MLLT10: variants seen among roughly 807,000 people sequenced by gnomAD.
The protein encoded by MLLT10 is MLLT10 histone lysine methyltransferase DOT1L cofactor.
A neutral mutation model predicts 129.1 loss-of-function variants in MLLT10; 30 were observed. The observed-to-expected ratio is 0.23, with a 90% CI of 0.17 to 0.32. The LOEUF (loss-of-function observed/expected upper bound fraction) is 0.32. Among genes scored for constraint, MLLT10 ranks in the 10% least tolerant of loss-of-function variants. The pLI is 1.00. For missense variants in MLLT10, 1,119 were observed against 1,268.3 expected (o/e 0.88, Z 1.79); for synonymous variants, 490 against 446.4 (o/e 1.10, Z -1.23).
At chr10:21,583,872 A>ATTT (rs753865899) in intron 3 of MLLT10, among the ~76,000 whole-genome samples, 1 of 144,996 alleles carries the variant, frequency 6.9e-6, no homozygotes. Context: ...AATAGGCTCA[A>ATTT]TTTTTTTTTT....
At chr10:21,614,433 C>T (rs1219324858) in intron 6 of MLLT10, among the ~76,000 whole-genome samples, 4 of 152,004 alleles carry the variant, frequency 2.6e-5, no homozygotes, top group Non-Finnish European at 4.4e-5. Context: ...ACCATCACTT[C>T]GGCCCTTTAG....
At chr10:21,541,755 C>G (rs765640397) in intron 3 of MLLT10, among the ~76,000 whole-genome samples, 2 of 152,144 alleles carry the variant, frequency 1.3e-5, no homozygotes, top group South Asian at 4.1e-4. Context: ...CTCAAGCAGT[C>G]CTCCTACCTC....
At chr10:21,717,493 C>T (rs1440454264) in intron 14 of MLLT10, among the ~76,000 whole-genome samples, 3 of 57,978 alleles carry the variant, frequency 5.2e-5, no homozygotes, top group Admixed American at 1.7e-4. Context: ...TCCTCCTCCT[C>T]CTCCTCCTCC....
At chr10:21,675,077 A>G (rs1200854131) in intron 11 of MLLT10, among the ~76,000 whole-genome samples, 1 of 152,222 alleles carries the variant, frequency 6.6e-6, no homozygotes, top group East Asian at 1.9e-4. Flanking sequence ...GTTATGTGCC[A>G]GTTCTGTTAA....
chr10:21,585,052 G>T (rs1229187431), intron 3 of MLLT10, among the ~76,000 whole-genome samples: 1 of 151,864 alleles, frequency 6.6e-6, no homozygotes, highest in Non-Finnish European at 1.5e-5. Context: ...TGAGTAGCTG[G>T]TACTACAGGT....
At chr10:21,707,059 G>A (rs2055582752) in intron 13 of MLLT10, among the ~76,000 whole-genome samples, 1 of 151,992 alleles carries the variant, frequency 6.6e-6, no homozygotes, top group African/African-American at 2.4e-5. Context: ...TGGCGTTTAA[G>A]AAAACTTCCA....
rs1350647788 is a variant in MLLT10, at chr10:21,609,084, C to T, written c.406-3264C>T. On this transcript the variant is annotated intron_variant, in intron 5 of 22. Transcript: ENST00000307729. Reference sequence around the variant, plus strand: ...AGTCTATTTTTCCAATAGTATACAACCTCAGATGGCCCTGCTCTAACAAAT... The same window carrying T: ...AGTCTATTTTTCCAATAGTATACAATCTCAGATGGCCCTGCTCTAACAAAT... Among the ~76,000 whole-genome samples, 4 of 152,128 alleles carry T rather than the reference C, an allele frequency of 2.6e-5. No individual in the cohort carries two copies. The East Asian group carries it at 7.7e-4, about 29-fold the overall frequency.
At chr10:21,668,256 C>T (rs1468408583) in intron 9 of MLLT10, among the ~76,000 whole-genome samples, 3 of 152,090 alleles carry the variant, frequency 2.0e-5, no homozygotes, top group African/African-American at 7.2e-5. Context: ...TGAATTTAGT[C>T]TTGGGCTTAC....
intron 21 of MLLT10, among the ~76,000 whole-genome samples, chr10:21,737,951 C>A (rs1343547237): frequency 2.0e-5 from 3 of 152,078 alleles, no homozygotes; most frequent in Admixed American, 6.5e-5. Context: ...GTGTTAAAGG[C>A]ACACTGCATG....
intron 13 of MLLT10, among the ~76,000 whole-genome samples, chr10:21,699,590 T>A (rs949582529): frequency 9.9e-5 from 15 of 152,260 alleles, no homozygotes; most frequent in Admixed American, 2.6e-4. Context: ...TTCTTTTGCA[T>A]ACAGATATCC....
At chr10:21,680,569 A>G (rs1036715817) in intron 11 of MLLT10, among the ~76,000 whole-genome samples, 1 of 152,226 alleles carries the variant, frequency 6.6e-6, no homozygotes, top group African/African-American at 2.4e-5. Context: ...ATGCTGCTAT[A>G]TAAGTCATAA....
chr10:21,733,204 GGTTGTTTTTGAAGGGCATAAAGAATCCT>G (rs2058092307), intron 18 of MLLT10, 117 bp downstream of exon 18: 2 of 1,077,766 alleles, frequency 1.9e-6, no homozygotes, highest in Non-Finnish European at 2.6e-6. Context: ...AGGAACTATA[GGTTGTTTTTGAAGGGCATAAAGAATCCT>G]GTTAAGTGAT....
At chr10:21,695,327 A>G (rs1164964250) in intron 13 of MLLT10, among the ~76,000 whole-genome samples, 1 of 152,100 alleles carries the variant, frequency 6.6e-6, no homozygotes, top group African/African-American at 2.4e-5. Flanking sequence ...ATGTGATTAC[A>G]TTGGATCCTT....
chr10:21,612,273 C>G, intron 5 of MLLT10, 75 bp from the exon 6 acceptor site: 1 of 839,846 alleles, frequency 1.2e-6, no homozygotes, highest in Non-Finnish European at 1.9e-6. Context: ...ATCTTCATTT[C>G]TGAAGATAAT....
At chr10:21,680,604 AAATT>A (rs2052636376) in intron 11 of MLLT10, among the ~76,000 whole-genome samples, 1 of 152,236 alleles carries the variant, frequency 6.6e-6, no homozygotes, top group Admixed American at 6.5e-5. Flanking sequence ...TATATCAACT[AAATT>A]ATCATACTTA....
At chr10:21,687,672 G>A (rs1221550740) in intron 13 of MLLT10, among the ~76,000 whole-genome samples, 1 of 152,162 alleles carries the variant, frequency 6.6e-6, no homozygotes, top group Non-Finnish European at 1.5e-5. Context: ...GTTAAAAAAA[G>A]GGGAAGGGAA....
intron 13 of MLLT10, among the ~76,000 whole-genome samples, chr10:21,694,980 C>A (rs1231009464): frequency 1.3e-5 from 2 of 151,950 alleles, no homozygotes; most frequent in Non-Finnish European, 2.9e-5. Flanking sequence ...ATCCTTCTCA[C>A]ACTTAGAATC....
chr10:21,731,121 G>A, intron 17 of MLLT10, 67 bp downstream of exon 17: 1 of 1,427,294 alleles, frequency 7.0e-7, no homozygotes, highest in East Asian at 2.3e-5. Context: ...GCAGATGGAT[G>A]CAGAAGTCAC....
chr10:21,570,398 G>C (rs1019584917), intron 3 of MLLT10, among the ~76,000 whole-genome samples: 26 of 152,288 alleles, frequency 1.7e-4, no homozygotes, highest in African/African-American at 6.0e-4. Context: ...TCCAGTGACT[G>C]ATAGTTCATT....
Sources: allele counts gnomAD v4.1 joint callset (sites outside exome capture counted in the v4.1 genomes callset), GRCh38; gene constraint gnomAD v4.1.1; transcripts MANE v1.5; gene names NCBI Gene and HGNC (gene_info 2026-07-23, HGNC 2026-07-21).